Variants in ZSCAN5A observed in about 807,000 individuals in gnomAD.
The protein encoded by ZSCAN5A is zinc finger and SCAN domain-containing protein 5A.
In ZSCAN5A, 12 loss-of-function variants were observed where a neutral mutation model predicts 23.7. That is an observed-to-expected ratio of 0.51 (90% CI 0.32 to 0.82). ZSCAN5A has a LOEUF of 0.82. Among genes scored for constraint, ZSCAN5A ranks in the 40% least tolerant of loss-of-function variants. The probability of loss-of-function intolerance (pLI) is 0.03; values close to 1 mark genes in which losing one functional copy is unlikely to be tolerated. For missense variants in ZSCAN5A, 597 were observed against 617.9 expected (o/e 0.97, Z 0.36); for synonymous variants, 257 against 239.9 (o/e 1.07, Z -0.66).
At chr19:56,295,070 A>C (rs1452189382) in intron 2 of ZSCAN5A, 2 of 152,244 alleles carry the variant, frequency 1.3e-5, no homozygotes, top group African/African-American at 2.4e-5. Context: ...TTTTCAGGTG[A>C]TGAAAACGTT....
chr19:56,301,974 C>G, intron 2 of ZSCAN5A: 2 of 1,232,108 alleles, frequency 1.6e-6, no homozygotes, highest in Non-Finnish European at 2.0e-6. Context: ...CCAGTTAAAC[C>G]CTTCTCAGGC....
chr19:56,273,135 T>C (rs1016900441), intron 2 of ZSCAN5A, among the ~76,000 whole-genome samples: 14 of 152,310 alleles, frequency 9.2e-5, no homozygotes, highest in Admixed American at 2.6e-4. Flanking sequence ...TGCATCCTGG[T>C]TTCTATCACT....
intron 2 of ZSCAN5A, among the ~76,000 whole-genome samples, chr19:56,361,844 A>G (rs1263740582): frequency 6.6e-6 from 1 of 152,064 alleles, no homozygotes; most frequent in African/African-American, 2.4e-5. Context: ...TATCCTGCAC[A>G]TGGTCTCTGG....
chr19:56,261,568 G>A (rs1412202221), intron 2 of ZSCAN5A, among the ~76,000 whole-genome samples: 2 of 152,164 alleles, frequency 1.3e-5, no homozygotes, highest in Admixed American at 6.5e-5. Context: ...TGACTTGAAA[G>A]TGTCTTTCAG....
At chr19:56,324,994 A>G (rs2041419610) in intron 2 of ZSCAN5A, among the ~76,000 whole-genome samples, 1 of 152,210 alleles carries the variant, frequency 6.6e-6, no homozygotes, top group African/African-American at 2.4e-5. Context: ...TTACAAAAAG[A>G]ACTAGGGTCC....
At chr19:56,289,813 C>T (rs941342344) in intron 2 of ZSCAN5A, among the ~76,000 whole-genome samples, 2 of 152,104 alleles carry the variant, frequency 1.3e-5, no homozygotes, top group Non-Finnish European at 2.9e-5. Flanking sequence ...AGGGTCTCAC[C>T]ATGTTGCTCA....
intron 1 of ZSCAN5A, among the ~76,000 whole-genome samples, chr19:56,364,275 T>C (rs993374635): frequency 1.3e-5 from 2 of 152,238 alleles, no homozygotes; most frequent in Admixed American, 6.5e-5. Flanking sequence ...CCAAGCAATG[T>C]AGAGACAGCT....
chr19:56,292,755 T>G (rs1276024392), intron 2 of ZSCAN5A, among the ~76,000 whole-genome samples: 1 of 152,130 alleles, frequency 6.6e-6, no homozygotes, highest in Admixed American at 6.5e-5. Flanking sequence ...CAACCACCAT[T>G]TCACTTTCTG....
chr19:56,228,498 C>T, intron 2 of ZSCAN5A: 1 of 949,046 alleles, frequency 1.1e-6, no homozygotes, highest in Non-Finnish European at 1.3e-6. Context: ...CAAATATTTC[C>T]CGCTCTACTG....
At chr19:56,290,514 A>G (rs191464891) in intron 2 of ZSCAN5A, among the ~76,000 whole-genome samples, 436 of 152,274 alleles carry the variant, frequency 2.9e-3, no homozygotes, top group Middle Eastern at 0.017. Context: ...ATATCTAAAG[A>G]AGGAGGATGT....
At chr19:56,236,004 T>C (rs113291178) in intron 2 of ZSCAN5A, among the ~76,000 whole-genome samples, 82 of 36,662 alleles carry the variant, frequency 2.2e-3, no homozygotes, top group South Asian at 2.8e-3. Flanking sequence ...CAGCCTCTGA[T>C]TGACCGTGGG....
At chr19:56,232,814 G>A (rs987188420) in intron 2 of ZSCAN5A, among the ~76,000 whole-genome samples, 3 of 152,090 alleles carry the variant, frequency 2.0e-5, no homozygotes, top group Middle Eastern at 3.4e-3. Context: ...CAGTAGCTGC[G>A]ACCACAGGTG....
chr19:56,319,269 G>A (rs1363494968), upstream of ZSCAN5A, among the ~76,000 whole-genome samples: 2 of 151,992 alleles, frequency 1.3e-5, no homozygotes, highest in Admixed American at 6.5e-5. Context: ...AGGCTGAGGT[G>A]GGTGGATCAC....
chr19:56,234,129 C>T (rs2034688195), intron 2 of ZSCAN5A, among the ~76,000 whole-genome samples: 1 of 152,092 alleles, frequency 6.6e-6, no homozygotes, highest in African/African-American at 2.4e-5. Context: ...GGATAGCAGC[C>T]AATTCGTCAG....
At chr19:56,270,439 C>A (rs76293112) in intron 2 of ZSCAN5A, among the ~76,000 whole-genome samples, 89 of 152,048 alleles carry the variant, frequency 5.9e-4, no homozygotes, top group African/African-American at 2.0e-3. Context: ...TAAATAAATA[C>A]ATACATAGCT....
chr19:56,282,053 T>C (rs2038752345), intron 2 of ZSCAN5A, among the ~76,000 whole-genome samples: 1 of 152,194 alleles, frequency 6.6e-6, no homozygotes, highest in African/African-American at 2.4e-5. Flanking sequence ...CTCTAGAATG[T>C]ACACCTGGGT....
intron 2 of ZSCAN5A, chr19:56,284,077 C>A: frequency 1.5e-6 from 1 of 669,932 alleles, no homozygotes; most frequent in Non-Finnish European, 1.9e-6. Flanking sequence ...CCCCCAGCAT[C>A]TGACCTCGTT....
exon 1 of ZSCAN5A, chr19:56,368,258 G>C (rs572694749): frequency 3.3e-5 from 5 of 152,500 alleles, no homozygotes; most frequent in African/African-American, 1.2e-4. Context: ...TCTGCATTCC[G>C]GTCACTGGGA....
At chr19:56,244,783 T>C in intron 2 of ZSCAN5A, among the ~76,000 whole-genome samples, 1 of 150,616 alleles carries the variant, frequency 6.6e-6, no homozygotes, top group East Asian at 1.9e-4. Context: ...AAGAAAGACA[T>C]TGGTGAAATA....
Sources: allele counts gnomAD v4.1 joint callset (sites outside exome capture counted in the v4.1 genomes callset), GRCh38; gene constraint gnomAD v4.1.1; transcripts MANE v1.5; gene names NCBI Gene and HGNC (gene_info 2026-07-23, HGNC 2026-07-21).